Variants in SORT1 observed in about 807,000 individuals in gnomAD.
SORT1 encodes sortilin 1.
SORT1 carries 39 observed loss-of-function variants against 101.7 expected under a neutral mutation model. The ratio of observed to expected loss-of-function variants is 0.38; its 90% CI spans 0.30 to 0.50. The LOEUF (loss-of-function observed/expected upper bound fraction) is 0.50, where lower values mean the gene tolerates loss of function less well. SORT1 is among the 20% of genes least tolerant of loss of function. SORT1 has a pLI of 0.90. For missense variants in SORT1, 878 were observed against 1,040.4 expected (o/e 0.84, Z 2.15); for synonymous variants, 396 against 393.7 (o/e 1.01, Z -0.07).
rs567280929 is a variant in SORT1, at chr1:109,311,659, A to G, written c.*2384T>C. Reference sequence around the variant, plus strand: ...GGGGAGGGGCAGTTTCTGCAAACGTATTTAAAATTCCCATTACTTTTGTTT... The same window carrying G: ...GGGGAGGGGCAGTTTCTGCAAACGTGTTTAAAATTCCCATTACTTTTGTTT... On this transcript the variant is annotated 3_prime_UTR_variant, in exon 20 of 20. Coordinates refer to ENST00000256637, the MANE Select transcript of SORT1 (RefSeq NM_002959.7). 1.5e-4 allele frequency: 23 copies of G among 152,348 alleles called. No homozygotes were observed. Among genetic ancestry groups the G allele is most frequent in the African/African-American group, 5.5e-4 (23 of 41,572 alleles). The allele number at this position is 152,348 out of a possible 1,614,324, so 9.4% of individuals were successfully genotyped here.
rs1570941357 is a variant in SORT1 at position 109,354,347 on chromosome 1, T to C, written c.708+20A>G. ...ACTATAAAATGCAAAAGGCAAACCATGTTCCTCAACTGGACTTACTTCAGT... is the reference window on the plus strand; with the variant it reads ...ACTATAAAATGCAAAAGGCAAACCACGTTCCTCAACTGGACTTACTTCAGT... On this transcript the variant is annotated intron_variant, in intron 5 of 19. Transcript: ENST00000256637. 3 of 1,601,350 alleles carry C rather than the reference T, an allele frequency of 1.9e-6. No individual in the cohort carries two copies. The highest frequency in any genetic ancestry group is 4.5e-5 in the East Asian group (2 of 44,672).
In SORT1 at chr1:109,397,604, C is replaced by T. The variant is rs537583449; in HGVS notation, c.289G>A (p.Ala97Thr). 4 of 1,277,454 alleles carry T rather than the reference C, an allele frequency of 3.1e-6. No individual in the cohort carries two copies. The African/African-American group carries it at 4.8e-5, about 15-fold the overall frequency. The allele number at this position is 1,277,454 out of a possible 1,614,324, so 79.1% of individuals were successfully genotyped here. The change falls in exon 1 of 20, where the codon GCC (alanine) becomes ACC (threonine). Residue 97 changes from alanine to threonine, a missense_variant. Coordinates refer to ENST00000256637, the MANE Select transcript of SORT1 (RefSeq NM_002959.7). Reference sequence around the variant, plus strand: ...CCGCTCACCTGGTGCGTGTTGTTGGCCAGCTTGGCGACGAAGTCCCGGACC... The same window carrying T: ...CCGCTCACCTGGTGCGTGTTGTTGGTCAGCTTGGCGACGAAGTCCCGGACC... Reference protein sequence around the residue: ...GRVRDFVAKLANNTHQHVFDD... With the variant: ...GRVRDFVAKLTNNTHQHVFDD...
intron 10 of SORT1, 135 bp downstream of exon 10, chr1:109,340,589 A>G (rs78996678): frequency 8.3e-6 from 7 of 845,796 alleles, no homozygotes; most frequent in Non-Finnish European, 5.5e-6. Flanking sequence ...AAAAAAAAAA[A>G]GGAAACAAAA....
At chr1:109,334,821 C>T (rs1231606231) in intron 11 of SORT1, among the ~76,000 whole-genome samples, 1 of 151,834 alleles carries the variant, frequency 6.6e-6, no homozygotes, top group Non-Finnish European at 1.5e-5. Context: ...CTCCATAAAG[C>T]TGGGGAAAAA....
At chr1:109,354,560 G>C (rs766081651) in intron 4 of SORT1, 29 bp from the exon 5 acceptor site, 1 of 1,578,918 alleles carries the variant, frequency 6.3e-7, no homozygotes, top group Non-Finnish European at 8.7e-7. Flanking sequence ...ATCTGATTCA[G>C]GGTATGATAC....
At chr1:109,395,542 G>A (rs192741159) in intron 1 of SORT1, among the ~76,000 whole-genome samples, 73 of 151,182 alleles carry the variant, frequency 4.8e-4, no homozygotes, top group Non-Finnish European at 8.3e-4. Context: ...TTTAAATAAG[G>A]TCACTGAAAA....
intron 1 of SORT1, among the ~76,000 whole-genome samples, chr1:109,378,641 C>A (rs556139747): frequency 1.3e-4 from 18 of 135,800 alleles, no homozygotes; most frequent in Non-Finnish European, 2.2e-4. Flanking sequence ...AATAATGAAT[C>A]ATATAAAAAC....
rs1352354090 is a variant in SORT1, at chr1:109,313,018, T to C, written c.*1025A>G. On this transcript the variant is annotated 3_prime_UTR_variant, in exon 20 of 20. Transcript: ENST00000256637. ...CCTGGTTCCATGTACAACAGCAACC[T>C]AAGAAGCAGCAGATAGGCAGCCATT... The C allele has an allele frequency of 6.6e-6, 1 of 152,190 alleles. No individual in the cohort carries two copies. The highest frequency in any genetic ancestry group is 1.5e-5 in the Non-Finnish European group (1 of 68,030). The allele number at this position is 152,190 out of a possible 1,614,324, so 9.4% of individuals were successfully genotyped here. A position where few individuals can be genotyped will look rare whatever the true frequency, so the allele number is the denominator to read the frequency against.
Position 109,397,702 on chromosome 1 carries a change from G to A in SORT1, c.191C>T (p.Ala64Val). Residue 64 changes from alanine to valine, a missense_variant, in exon 1 of 20, where the codon GCA becomes GTA. This residue lies in a region of SORT1 where 194 missense variants were observed against 145.9 expected (regional missense o/e 1.33). Transcript: ENST00000256637. ...IGVSWGLRAA[A>V]AGGAFPRGGR... is the part of the protein sequence containing the mutation. ...GCCGCGGGGAAACGCGCCCCCGGCT[G>A]CGGCCGCCCGCAGCCCCCAGCTCAC... 1 of 1,189,890 alleles carries A rather than the reference G, an allele frequency of 8.4e-7. No homozygotes were observed. Among genetic ancestry groups the A allele is most frequent in the Non-Finnish European group, 1.0e-6 (1 of 963,034 alleles). The allele number at this position is 1,189,890 out of a possible 1,614,324, so 73.7% of individuals were successfully genotyped here. A position where few individuals can be genotyped will look rare whatever the true frequency, so the allele number is the denominator to read the frequency against.
chr1:109,317,230 A>C (rs1332337425), intron 16 of SORT1, among the ~76,000 whole-genome samples: 1 of 152,138 alleles, frequency 6.6e-6, no homozygotes. Context: ...GACCCCAAAA[A>C]AGCTCATTAA....
At chr1:109,315,702 T>A (rs1463694294) in intron 17 of SORT1, among the ~76,000 whole-genome samples, 1 of 151,824 alleles carries the variant, frequency 6.6e-6, no homozygotes, top group East Asian at 1.9e-4. Flanking sequence ...ACATCTCCAG[T>A]TCCACAGGTA....
At chr1:109,391,167 T>C (rs1395936892) in intron 1 of SORT1, among the ~76,000 whole-genome samples, 1 of 152,128 alleles carries the variant, frequency 6.6e-6, no homozygotes, top group African/African-American at 2.4e-5. Context: ...GGTAAAATAT[T>C]ACCCCCAAAA....
Position 109,310,808 on chromosome 1 carries a change from TG to T in SORT1, c.*3234del, listed in dbSNP as rs1238739004. 1 of 152,228 alleles carries T rather than the reference TG, an allele frequency of 6.6e-6. No individual in the cohort carries two copies. Among genetic ancestry groups the T allele is most frequent in the Non-Finnish European group, 1.5e-5 (1 of 68,050 alleles). The allele number at this position is 152,228 out of a possible 1,614,324, so 9.4% of individuals were successfully genotyped here. On this transcript the variant is annotated 3_prime_UTR_variant, in exon 20 of 20. Coordinates refer to ENST00000256637, the MANE Select transcript of SORT1 (RefSeq NM_002959.7). ...ACCCTGGGGTGGGTATGGATGGCCC[TG>T]GGCTCCCCTCCGTATCCTGGTATCG...
intron 1 of SORT1, among the ~76,000 whole-genome samples, chr1:109,378,054 G>A (rs559919815): frequency 1.3e-5 from 2 of 152,108 alleles, no homozygotes; most frequent in Admixed American, 1.3e-4. Context: ...AATATAGTGA[G>A]ACCCCGCCCC....
At position 109,342,152 on chromosome 1, in the gene SORT1, T is replaced by C; in HGVS notation, c.970A>G (p.Thr324Ala). The change falls in exon 9 of 20, where the codon ACA (threonine) becomes GCA (alanine). Residue 324 changes from threonine to alanine, a missense_variant. Coordinates refer to ENST00000256637, the MANE Select transcript of SORT1 (RefSeq NM_002959.7). ...FASVMADKDT[T>A]RRIHVSTDQG... ...TCTGTTGAAACGTGGATCCTTCTTG[T>C]TGTATCCTAGAACAGATGTCAATAT... 6.2e-7 allele frequency: 1 copy of C among 1,611,590 alleles called. No homozygotes were observed. The highest frequency in any genetic ancestry group is 8.5e-7 in the Non-Finnish European group (1 of 1,177,950).
intron 3 of SORT1, among the ~76,000 whole-genome samples, chr1:109,365,370 GT>G (rs1186216512): frequency 6.6e-6 from 1 of 152,188 alleles, no homozygotes; most frequent in African/African-American, 2.4e-5. Flanking sequence ...CCACAGGTGT[GT>G]GACACCATGC....
rs370600265 is a variant in SORT1, at chr1:109,378,941, A to C, written c.307-9352T>G. 2.3e-4 allele frequency among the ~76,000 whole-genome samples: 35 copies of C among 150,798 alleles called. No individual in the cohort carries two copies. The East Asian group carries it at 6.5e-3, about 28-fold the overall frequency. ...GTGGATCACCTGAGGTCAGGAGTTC[A>C]AGACCCGCCTGACCAATATGGTGAA... On this transcript the variant is annotated intron_variant, in intron 1 of 19. Transcript: ENST00000256637.
At chr1:109,388,039 C>G (rs1652684736) in intron 1 of SORT1, among the ~76,000 whole-genome samples, 1 of 152,128 alleles carries the variant, frequency 6.6e-6, no homozygotes, top group South Asian at 2.1e-4. Context: ...CATCCTGAGT[C>G]CAGTGATACA....
intron 1 of SORT1, chr1:109,392,863 C>T (rs1652990987): frequency 1.1e-5 from 11 of 985,098 alleles, no homozygotes; most frequent in Non-Finnish European, 1.3e-5. Context: ...GGAGATCCTA[C>T]AGAGTTCCTA....
Sources: allele counts gnomAD v4.1 joint callset (sites outside exome capture counted in the v4.1 genomes callset), GRCh38; gene constraint gnomAD v4.1.1; regional missense constraint gnomAD v4.1.1; transcripts MANE v1.5; gene names NCBI Gene and HGNC (gene_info 2026-07-23, HGNC 2026-07-21).